LMLN: variants seen among roughly 807,000 people sequenced by gnomAD.
LMLN encodes the protein leishmanolysin-like peptidase.
Under a neutral mutation model 92.3 loss-of-function variants are expected in LMLN, and 70 were observed. The ratio of observed to expected loss-of-function variants is 0.76; its 90% confidence interval spans 0.63 to 0.92. LMLN has a LOEUF of 0.92. Among genes scored for constraint, LMLN ranks in the 40% least tolerant of loss-of-function variants. The pLI is 0.00. For synonymous variants in LMLN, 308 were observed against 296.2 expected, an observed-to-expected ratio of 1.04 and a Z score of -0.41; for missense variants, 691 against 814.6, an observed-to-expected ratio of 0.85 and a Z score of 1.85.
chr3:197,975,563 C>T (rs1721349703), intron 3 of LMLN, among the ~76,000 whole-genome samples: 1 of 152,062 alleles, frequency 6.6e-6, no homozygotes, highest in African/African-American at 2.4e-5. Flanking sequence ...AGCCAGTTCA[C>T]TATGGGCGAC....
At chr3:197,974,944 C>A in intron 2 of LMLN, 98 bp from the exon 3 acceptor site, 1 of 785,050 alleles carries the variant, frequency 1.3e-6, no homozygotes, top group Non-Finnish European at 2.2e-6. Context: ...CAGAGCAGGC[C>A]CAAGGCCTGC....
At chr3:197,974,343 C>A in intron 1 of LMLN, 34 bp from the exon 2 acceptor site, 1 of 1,151,668 alleles carries the variant, frequency 8.7e-7, no homozygotes, top group Non-Finnish European at 1.3e-6. Context: ...ATCTGTATGT[C>A]TTAAACAGTT....
At chr3:198,029,831 A>AT (rs1311270895) in intron 14 of LMLN, among the ~76,000 whole-genome samples, 95 of 150,688 alleles carry the variant, frequency 6.3e-4, no homozygotes, top group Non-Finnish European at 1.3e-3. Flanking sequence ...TTGCTTTCTT[A>AT]TTTTTTTTTA....
intron 11 of LMLN, 47 bp downstream of exon 12, chr3:198,003,172 C>A (rs1419300827): frequency 8.9e-7 from 1 of 1,128,328 alleles, no homozygotes; most frequent in South Asian, 1.4e-5. Context: ...CAGTTCCTTT[C>A]TGACTTTATT....
chr3:198,012,379 G>A (rs774533851), intron 11 of LMLN, among the ~76,000 whole-genome samples: 2 of 152,210 alleles, frequency 1.3e-5, no homozygotes, highest in Non-Finnish European at 1.5e-5. Flanking sequence ...GCTGGGTGAA[G>A]CGTTGCACAA....
At chr3:198,038,588 G>T in exon 16 of LMLN, 2 of 1,613,972 alleles carry the variant, frequency 1.2e-6, no homozygotes, top group Non-Finnish European at 1.7e-6. Context: ...TGTTCCTCGA[G>T]CCTGGTGGTC....
intron 2 of LMLN, 73 bp from the exon 3 acceptor site, chr3:197,974,969 T>A: frequency 9.9e-7 from 1 of 1,011,654 alleles, no homozygotes; most frequent in Non-Finnish European, 1.5e-6. Context: ...TGCCCATTTT[T>A]ATGGTTATTT....
chr3:198,016,667 C>T (rs906112611), intron 11 of LMLN, among the ~76,000 whole-genome samples: 7 of 152,198 alleles, frequency 4.6e-5, no homozygotes, highest in Non-Finnish European at 5.9e-5. Context: ...TTTCTGTTAA[C>T]AGTTGCAACT....
chr3:198,038,423 A>T, intron 15 of LMLN, 144 bp from the exon 17 acceptor site: 1 of 614,560 alleles, frequency 1.6e-6, no homozygotes, highest in Non-Finnish European at 2.9e-6. Flanking sequence ...ACTTTTTTAT[A>T]CCTGGGTTTT....
At chr3:198,012,217 A>T (rs565347670) in intron 11 of LMLN, among the ~76,000 whole-genome samples, 1 of 151,980 alleles carries the variant, frequency 6.6e-6, no homozygotes, top group African/African-American at 2.4e-5. Flanking sequence ...GGCGCCCACC[A>T]CCATGCCCGG....
At chr3:198,043,534 G>T (rs546608722) in exon 16 of LMLN, 2 of 152,752 alleles carry the variant, frequency 1.3e-5, no homozygotes, top group African/African-American at 4.8e-5. Context: ...CTGAAGAAAA[G>T]AACTTACCTG....
At chr3:197,963,377 T>A (rs1720962177) in intron 1 of LMLN, among the ~76,000 whole-genome samples, 1 of 152,098 alleles carries the variant, frequency 6.6e-6, no homozygotes, top group African/African-American at 2.4e-5. Flanking sequence ...GCTAATTTTT[T>A]ATTTTTTGTT....
In LMLN at chr3:198,031,315, G is replaced by C. The variant is rs972469687; in HGVS notation, c.1657-4518G>C. Among the ~76,000 whole-genome samples the C allele has an allele frequency of 6.6e-6, 1 of 152,132 alleles. No individual in the cohort carries two copies. The highest frequency in any genetic ancestry group is 1.5e-5 in the Non-Finnish European group (1 of 68,024). On this transcript the variant is annotated intron_variant, in intron 14 of 15. Transcript: ENST00000330198. This position sits in a 1 kb window ranked among gnomAD's most constrained non-coding sequence, Gnocchi z 4.8. Reference sequence around the variant, plus strand: ...TTCTTTGGCTTTGACTCCCCATATTGGTGATAAAAATGTTTGTTTTCTCCT... The same window carrying C: ...TTCTTTGGCTTTGACTCCCCATATTCGTGATAAAAATGTTTGTTTTCTCCT...
chr3:197,971,823 G>A (rs774019084), intron 1 of LMLN, among the ~76,000 whole-genome samples: 7 of 151,540 alleles, frequency 4.6e-5, no homozygotes, highest in Non-Finnish European at 7.4e-5. Context: ...CACCAAATTT[G>A]AAATTTTTTA....
chr3:197,980,149 A>G (rs1416762214), intron 5 of LMLN, among the ~76,000 whole-genome samples, 177 bp from the exon 6 acceptor site: 1 of 152,226 alleles, frequency 6.6e-6, no homozygotes, highest in African/African-American at 2.4e-5. Flanking sequence ...ATTAAAATAA[A>G]TTCAGAATTA....
chr3:197,990,404 T>C (rs1046776600), intron 8 of LMLN, among the ~76,000 whole-genome samples, 155 bp from the exon 9 acceptor site: 17 of 152,212 alleles, frequency 1.1e-4, no homozygotes, highest in East Asian at 5.8e-4. Context: ...AAAATACTTA[T>C]CAAGTACTTT....
intron 14 of LMLN, among the ~76,000 whole-genome samples, chr3:198,028,759 G>A (rs925950130): frequency 1.3e-5 from 2 of 152,194 alleles, no homozygotes; most frequent in African/African-American, 2.4e-5. Flanking sequence ...TCCCAGCCCC[G>A]TCTTTTAGTC....
chr3:197,966,383 A>G (rs1721061639), intron 1 of LMLN, among the ~76,000 whole-genome samples: 1 of 152,182 alleles, frequency 6.6e-6, no homozygotes, highest in African/African-American at 2.4e-5. Flanking sequence ...TGTCTGGGGC[A>G]TGATGTTGAA....
At chr3:198,016,804 T>G (rs1337563957) in intron 11 of LMLN, among the ~76,000 whole-genome samples, 1 of 152,228 alleles carries the variant, frequency 6.6e-6, no homozygotes, top group East Asian at 1.9e-4. Context: ...CCTTTGATTC[T>G]TAAGCCACTG....
Sources: gnomAD v4.1 joint callset for allele counts (sites outside exome capture counted in the v4.1 genomes callset) on GRCh38, gnomAD v4.1.1 for gene constraint, Gnocchi (gnomAD v3.1) non-coding constraint, MANE v1.5 for transcripts, NCBI Gene and HGNC (gene_info 2026-07-23, HGNC 2026-07-21) for gene names.